The following RAB3GAP2 variants were observed in gnomAD, a reference collection of about 807,000 sequenced individuals.
The protein encoded by RAB3GAP2 is rab3 GTPase-activating protein non-catalytic subunit.
A neutral mutation model predicts 185.3 loss-of-function variants in RAB3GAP2; 87 were observed. The ratio of observed to expected loss-of-function variants is 0.47; its 90% CI spans 0.39 to 0.56. The LOEUF is 0.56. Ranked by LOEUF, RAB3GAP2 falls within the 20% of genes least tolerant of loss-of-function variation. The pLI, the probability that RAB3GAP2 is intolerant of heterozygous loss-of-function variation, is 0.00. For missense variants in RAB3GAP2, 1,492 were observed against 1,638.2 expected (o/e 0.91, Z 1.54); for synonymous variants, 554 against 576.1 (o/e 0.96, Z 0.55).
chr1:220,226,785 T>C (rs761593287), intron 2 of RAB3GAP2, among the ~76,000 whole-genome samples: 5 of 152,142 alleles, frequency 3.3e-5, no homozygotes, highest in African/African-American at 4.8e-5. Flanking sequence ...CCAATTCATA[T>C]GTTGATGCCT....
rs1262558802 is a variant in RAB3GAP2 at position 220,253,615 on chromosome 1, C to T, written c.115+18608G>A. ...GAAGCCTAAATTCCAGGAGGGTGAG[C>T]GAGTGCTGTGCTTTCATGGGCCTCT... On this transcript the variant is annotated intron_variant, in intron 1 of 34. Transcript: ENST00000358951. 10 of 1,576,510 alleles carry T rather than the reference C, an allele frequency of 6.3e-6. 1 individual carries two copies. The highest frequency in any genetic ancestry group is 3.3e-5 in the South Asian group (3 of 90,232).
chr1:220,235,480 A>T (rs1207181936), intron 1 of RAB3GAP2, among the ~76,000 whole-genome samples: 1 of 152,230 alleles, frequency 6.6e-6, no homozygotes, highest in African/African-American at 2.4e-5. Flanking sequence ...AATAATGTAT[A>T]TATCAAATTA....
chr1:220,252,610 C>A (rs1158310700), intron 1 of RAB3GAP2, among the ~76,000 whole-genome samples: 2 of 152,202 alleles, frequency 1.3e-5, no homozygotes, highest in African/African-American at 2.4e-5. Context: ...CCAAAGAAAC[C>A]GTCACCTCCC....
chr1:220,172,817 G>T, intron 21 of RAB3GAP2, 75 bp from the exon 22 acceptor site: 1 of 893,722 alleles, frequency 1.1e-6, no homozygotes, highest in South Asian at 1.4e-5. Flanking sequence ...TTCCTAGACA[G>T]CAGATGCATG....
Position 220,185,715 on chromosome 1 carries a change from T to C in RAB3GAP2, c.1806A>G (p.Glu602=). The change falls in exon 18 of 35, where the codon GAA becomes GAG. Residue 602 remains glutamate, a synonymous_variant. Coordinates refer to ENST00000358951, the MANE Select transcript of RAB3GAP2 (RefSeq NM_012414.4). The part of the protein sequence containing the change: ...KQALESILAS[E]RLPFSCLRNI... ...TTCTAAGGCAAGAAAATGGTAAACGTTCACTTGCCAAAATGCTTTCCAAAG... is the reference window on the plus strand; with the variant it reads ...TTCTAAGGCAAGAAAATGGTAAACGCTCACTTGCCAAAATGCTTTCCAAAG... 4.3e-6 allele frequency: 7 copies of C among 1,612,426 alleles called. No individual in the cohort carries two copies. The highest frequency in any genetic ancestry group is 5.9e-6 in the Non-Finnish European group (7 of 1,178,784).
chr1:220,260,064 A>C (rs939030533), intron 1 of RAB3GAP2, among the ~76,000 whole-genome samples: 1 of 152,188 alleles, frequency 6.6e-6, no homozygotes, highest in Non-Finnish European at 1.5e-5. Context: ...AGTCAGAATG[A>C]CTATTGTTAA....
At chr1:220,256,068 C>T (rs1166358613) in intron 1 of RAB3GAP2, among the ~76,000 whole-genome samples, 2 of 152,158 alleles carry the variant, frequency 1.3e-5, no homozygotes, top group Non-Finnish European at 2.9e-5. Context: ...ACCCATTAGA[C>T]TAACAGCAAA....
chr1:220,243,641 T>G (rs971801652), intron 1 of RAB3GAP2, among the ~76,000 whole-genome samples: 1 of 152,166 alleles, frequency 6.6e-6, no homozygotes, highest in African/African-American at 2.4e-5. Context: ...TCTCAGTTAT[T>G]TGAGATAGTC....
chr1:220,252,944 G>A (rs1250950851), intron 1 of RAB3GAP2, among the ~76,000 whole-genome samples: 6 of 152,206 alleles, frequency 3.9e-5, no homozygotes, highest in African/African-American at 1.4e-4. Flanking sequence ...CACCTCACAA[G>A]TTAAGACCCA....
At chr1:220,182,465 G>C in intron 20 of RAB3GAP2, 111 bp from the exon 21 acceptor site, 59,932 of 1,079,492 alleles carry the variant, frequency 0.056, no homozygotes, top group Non-Finnish European at 0.073. Context: ...TATGAAGGAA[G>C]AGAAATTAAT....
intron 1 of RAB3GAP2, chr1:220,253,648 G>A: frequency 6.3e-7 from 1 of 1,593,796 alleles, no homozygotes; most frequent in East Asian, 2.2e-5. Context: ...TCTTCTTTAT[G>A]AAGCAAAGTG....
intron 19 of RAB3GAP2, among the ~76,000 whole-genome samples, chr1:220,183,497 C>T (rs1658452001): frequency 6.6e-6 from 1 of 151,990 alleles, no homozygotes; most frequent in African/African-American, 2.4e-5. Flanking sequence ...AAGTGATCCT[C>T]GCACCTCAGC....
At chr1:220,212,359 T>C (rs755433952) in intron 4 of RAB3GAP2, among the ~76,000 whole-genome samples, 7 of 152,190 alleles carry the variant, frequency 4.6e-5, no homozygotes, top group Non-Finnish European at 8.8e-5. Flanking sequence ...CCTTAAATCT[T>C]CCAACAGAAT....
At chr1:220,233,626 C>A (rs1454063136) in intron 1 of RAB3GAP2, among the ~76,000 whole-genome samples, 1 of 151,996 alleles carries the variant, frequency 6.6e-6, no homozygotes, top group East Asian at 1.9e-4. Context: ...ACTTTAGGCC[C>A]CAGAATCACG....
chr1:220,157,701 GA>G (rs1339542898), intron 30 of RAB3GAP2, 100 bp downstream of exon 30: 4 of 1,177,214 alleles, frequency 3.4e-6, no homozygotes, highest in Non-Finnish European at 5.0e-6. Flanking sequence ...ATGAATGAAT[GA>G]AAAACAACCT....
At chr1:220,174,034 A>AAG (rs1242266304) in intron 21 of RAB3GAP2, among the ~76,000 whole-genome samples, 1 of 151,268 alleles carries the variant, frequency 6.6e-6, no homozygotes, top group East Asian at 1.9e-4. Context: ...AAAAAAAAAA[A>AAG]AAAAGAAAAG....
At chr1:220,214,066 G>GAAAAAAA in intron 2 of RAB3GAP2, 87 bp from the exon 3 acceptor site, 2 of 1,236,558 alleles carry the variant, frequency 1.6e-6, no homozygotes, top group Admixed American at 2.0e-5. Flanking sequence ...TGAGAGGGAA[G>GAAAAAAA]AAAAAAAAGA....
intron 18 of RAB3GAP2, among the ~76,000 whole-genome samples, chr1:220,184,890 T>C (rs796547157): frequency 1.4e-4 from 22 of 152,144 alleles, no homozygotes; most frequent in African/African-American, 5.1e-4. Context: ...GTCAGTTTTA[T>C]GTATCTGTTA....
At chr1:220,176,738 C>G (rs1658296933) in intron 21 of RAB3GAP2, among the ~76,000 whole-genome samples, 1 of 152,186 alleles carries the variant, frequency 6.6e-6, no homozygotes, top group Admixed American at 6.5e-5. Context: ...TCACCAACCT[C>G]TATCTCACAG....
Sources: allele counts gnomAD v4.1 joint callset (sites outside exome capture counted in the v4.1 genomes callset), GRCh38; gene constraint gnomAD v4.1.1; transcripts MANE v1.5; gene names NCBI Gene and HGNC (gene_info 2026-07-23, HGNC 2026-07-21).